The following PRKD1 variants were observed in gnomAD, a reference collection of about 807,000 sequenced individuals.
PRKD1 encodes serine/threonine-protein kinase D1.
A neutral mutation model predicts 95.9 loss-of-function variants in PRKD1; 63 were observed. The observed-to-expected ratio is 0.66, with a 90% CI of 0.54 to 0.81. The LOEUF (loss-of-function observed/expected upper bound fraction) is 0.81. Among genes scored for constraint, PRKD1 ranks in the 30% least tolerant of loss-of-function variants. The pLI, the probability that PRKD1 is intolerant of heterozygous loss-of-function variation, is 0.00. For synonymous variants in PRKD1, 425 were observed against 423.1 expected (o/e 1.00, Z -0.05); for missense variants, 1,048 against 1,165.3 (o/e 0.90, Z 1.47).
At chr14:29,774,497 T>C (rs1888647897) in intron 1 of PRKD1, among the ~76,000 whole-genome samples, 1 of 152,168 alleles carries the variant, frequency 6.6e-6, no homozygotes, top group South Asian at 2.1e-4. Context: ...GGGCTCACTA[T>C]GACCAGCACC....
Position 29,577,183 on chromosome 14 carries a change from G to T in PRKD1, c.*55C>A. The T allele has an allele frequency of 6.5e-7, 1 of 1,537,056 alleles. No homozygotes were observed. The highest frequency in any genetic ancestry group is 1.1e-5 in the South Asian group (1 of 88,850). The stretch of plus-strand genomic sequence containing the variant: ...GTTCTGCAAGGCAAATGTTAAACCT[G>T]ACCGTATGTATTTATTAGTTCCACA... On this transcript the variant is annotated 3_prime_UTR_variant, in exon 18 of 18. Transcript: ENST00000331968.
chr14:29,634,690 T>C (rs564369150), intron 7 of PRKD1, 149 bp from the exon 8 acceptor site: 1 of 1,101,198 alleles, frequency 9.1e-7, no homozygotes, highest in Admixed American at 2.0e-5. Context: ...GGCACCATGG[T>C]TCTGAAAGTG....
intron 1 of PRKD1, among the ~76,000 whole-genome samples, chr14:29,751,484 T>C (rs1887477605): frequency 6.6e-6 from 1 of 152,208 alleles, no homozygotes; most frequent in Non-Finnish European, 1.5e-5. Flanking sequence ...TTGGCAGCCA[T>C]CTTGTGACCA....
Position 29,634,461 on chromosome 14 carries a change from A to AT in PRKD1, c.1270dup (p.Met424AsnfsTer25). 6.2e-7 allele frequency: 1 copy of AT among 1,613,956 alleles called. No individual in the cohort carries two copies. ...GTAGTGGACCATCCATCCTTCTTTC[A>AT]TGACTGTGCTGCTTTTCCTCTTCGT... On this transcript the variant is annotated frameshift_variant, in exon 8 of 18. Coordinates refer to ENST00000331968, the MANE Select transcript of PRKD1 (RefSeq NM_002742.3). LOFTEE classifies it high-confidence loss of function.
intron 2 of PRKD1, among the ~76,000 whole-genome samples, chr14:29,680,712 T>C (rs1883492561): frequency 6.6e-6 from 1 of 152,052 alleles, no homozygotes; most frequent in Admixed American, 6.6e-5. Flanking sequence ...AGAAGCAAAT[T>C]TAAAATGAAG....
intron 1 of PRKD1, among the ~76,000 whole-genome samples, chr14:29,797,972 G>A (rs542601137): frequency 3.9e-5 from 6 of 152,222 alleles, no homozygotes; most frequent in African/African-American, 1.4e-4. Flanking sequence ...AGCTACAACT[G>A]TAATTACAGA....
chr14:29,701,181 A>G (rs1884825925), intron 2 of PRKD1, among the ~76,000 whole-genome samples: 1 of 152,190 alleles, frequency 6.6e-6, no homozygotes, highest in Admixed American at 6.5e-5. Flanking sequence ...AGTTTTATCT[A>G]AAACTGAGGC....
intron 4 of PRKD1, among the ~76,000 whole-genome samples, chr14:29,658,955 G>A (rs774904932): frequency 1.3e-5 from 2 of 152,028 alleles, no homozygotes; most frequent in Non-Finnish European, 2.9e-5. Context: ...GAATCTCAAT[G>A]GCTTTATAAC....
In PRKD1 at chr14:29,648,949, C is replaced by T. The variant is rs140429921; in HGVS notation, c.697-10045G>A. 6.7e-4 allele frequency among the ~76,000 whole-genome samples: 102 copies of T among 151,866 alleles called. 1 individual carries two copies. The highest frequency in any genetic ancestry group is 3.4e-3 in the Middle Eastern group (1 of 290). ...GATTACAGGCGTGAGCCACCATGCC[C>T]GGCCTGGCTGGGGCTTTTATCTGCA... On this transcript the variant is annotated intron_variant, in intron 4 of 17. Coordinates refer to ENST00000331968, the MANE Select transcript of PRKD1 (RefSeq NM_002742.3).
intron 1 of PRKD1, among the ~76,000 whole-genome samples, chr14:29,857,310 A>G (rs142952514): frequency 2.6e-5 from 4 of 152,320 alleles, no homozygotes; most frequent in Non-Finnish European, 5.9e-5. Flanking sequence ...CACCCAGCTT[A>G]TAAAAGGCAG....
intron 16 of PRKD1, among the ~76,000 whole-genome samples, chr14:29,583,708 AT>A (rs1485620641): frequency 1.3e-5 from 2 of 152,052 alleles, no homozygotes; most frequent in Middle Eastern, 3.2e-3. Flanking sequence ...TTATGGAAAA[AT>A]TTTAAACAAT....
chr14:29,658,484 A>AT lies in PRKD1; in HGVS notation c.696+5214dup, dbSNP rs539094257. On this transcript the variant is annotated intron_variant, in intron 4 of 17. Transcript: ENST00000331968. ...AGCATTTCCTAATCTTATTTGACCA[A>AT]TTTTTTTTTTTCAGAATATTTTATG... 2.5e-3 allele frequency among the ~76,000 whole-genome samples: 372 copies of AT among 148,108 alleles called. 6 individuals carry two copies. Among genetic ancestry groups the AT allele is most frequent in the South Asian group, 0.021 (97 of 4,700 alleles).
intron 2 of PRKD1, among the ~76,000 whole-genome samples, chr14:29,684,965 TACAAAAAGCATATCTCA>T (rs577822827): frequency 3.9e-5 from 6 of 152,226 alleles, no homozygotes; most frequent in Non-Finnish European, 8.8e-5. Context: ...GGGAGTATTC[TACAAAAAGCATATCTCA>T]AACAAAGCTT....
intron 1 of PRKD1, among the ~76,000 whole-genome samples, chr14:29,872,786 C>T (rs1441610850): frequency 6.6e-6 from 1 of 151,798 alleles, no homozygotes; most frequent in Non-Finnish European, 1.5e-5. Context: ...AAAACAGAAA[C>T]ATATTCAAGA....
intron 4 of PRKD1, among the ~76,000 whole-genome samples, chr14:29,653,843 A>G (rs1488026025): frequency 1.3e-5 from 2 of 152,206 alleles, no homozygotes; most frequent in Non-Finnish European, 2.9e-5. Context: ...GAGAAAGGCA[A>G]TTCACCATGG....
intron 1 of PRKD1, among the ~76,000 whole-genome samples, chr14:29,847,849 GC>G (rs1271274724): frequency 5.9e-5 from 9 of 151,818 alleles, no homozygotes; most frequent in Non-Finnish European, 1.3e-4. Context: ...ACACACACAT[GC>G]ATGCATGCGT....
At chr14:29,883,526 C>T (rs866380210) in intron 1 of PRKD1, among the ~76,000 whole-genome samples, 1 of 147,942 alleles carries the variant, frequency 6.8e-6, no homozygotes, top group African/African-American at 2.7e-5. Flanking sequence ...ATATGTTTAA[C>T]ACAATCCAAA....
chr14:29,776,010 C>T (rs1888733066), intron 1 of PRKD1, among the ~76,000 whole-genome samples: 1 of 152,162 alleles, frequency 6.6e-6, no homozygotes, highest in South Asian at 2.1e-4. Flanking sequence ...TCTGCAGCCT[C>T]CGTTGGTGGT....
rs1886827056 is a variant in PRKD1 at position 29,738,412 on chromosome 14, A to G, written c.265-12738T>C. Among the ~76,000 whole-genome samples the G allele has an allele frequency of 2.6e-5, 4 of 152,326 alleles. No homozygotes were observed. In the South Asian group the frequency reaches 8.3e-4, roughly 32 times the overall value. On this transcript the variant is annotated intron_variant, in intron 1 of 17. Coordinates refer to ENST00000331968, the MANE Select transcript of PRKD1 (RefSeq NM_002742.3). ...AAAATGAATGATGTTCTATCATACAATAATTAAAAACCACCATCGAAGATA... is the reference window on the plus strand; with the variant it reads ...AAAATGAATGATGTTCTATCATACAGTAATTAAAAACCACCATCGAAGATA...
Sources: gnomAD v4.1 joint callset for allele counts (sites outside exome capture counted in the v4.1 genomes callset) on GRCh38, gnomAD v4.1.1 for gene constraint, MANE v1.5 for transcripts, NCBI Gene and HGNC (gene_info 2026-07-23, HGNC 2026-07-21) for gene names.